GLUD1: variants seen among roughly 807,000 people sequenced by gnomAD.
GLUD1 encodes the protein glutamate dehydrogenase 1.
Under a neutral mutation model 56.0 loss-of-function variants are expected in GLUD1, and 22 were observed. That is an observed-to-expected ratio of 0.39 (90% CI 0.28 to 0.56). GLUD1 has a LOEUF of 0.56. GLUD1 is among the 20% of genes least tolerant of loss of function. GLUD1 has a pLI of 0.58. For synonymous variants in GLUD1, 223 were observed against 269.9 expected (o/e 0.83, Z 1.70); for missense variants, 451 against 732.0 (o/e 0.62, Z 4.43).
At chr10:87,052,564 G>A (rs1219774343) in intron 12 of GLUD1, among the ~76,000 whole-genome samples, 1 of 151,168 alleles carries the variant, frequency 6.6e-6, no homozygotes, top group African/African-American at 2.4e-5. Flanking sequence ...CAGCTACTCG[G>A]GAGGCTAAGG....
chr10:87,053,422 A>G lies in GLUD1; in HGVS notation c.1495-18T>C. 1.3e-6 allele frequency: 2 copies of G among 1,539,658 alleles called. No homozygotes were observed. Among genetic ancestry groups the G allele is most frequent in the East Asian group, 2.2e-5 (1 of 44,566 alleles). On this transcript the variant is annotated intron_variant, in intron 11 of 12. Coordinates refer to ENST00000277865, the MANE Select transcript of GLUD1 (RefSeq NM_005271.5). The stretch of plus-strand genomic sequence containing the variant: ...GATGCACCCTATTAGGGAAAAGAAC[A>G]CAAGTTTAACAAAACCACAAAGACC...
At chr10:87,066,000 C>T (rs183504933) in intron 5 of GLUD1, among the ~76,000 whole-genome samples, 38 of 152,232 alleles carry the variant, frequency 2.5e-4, no homozygotes, top group African/African-American at 8.9e-4. Context: ...TTCTCCAAGG[C>T]CCATCTTTTC....
chr10:87,054,313 T>C (rs751421482), intron 11 of GLUD1, among the ~76,000 whole-genome samples: 15 of 152,134 alleles, frequency 9.9e-5, no homozygotes, highest in Non-Finnish European at 2.2e-4. Context: ...AAGTGGATCA[T>C]TGAAGTTTTC....
Position 87,051,898 on chromosome 10 carries a change from G to A in GLUD1, c.1558-28C>T, listed in dbSNP as rs766139975. Reference sequence around the variant, plus strand: ...GAAATGAAAGAGAAAATGCAGTGAAGATGATCCTGACTCAAGTGGCCAGGC... The same window carrying A: ...GAAATGAAAGAGAAAATGCAGTGAAAATGATCCTGACTCAAGTGGCCAGGC... On this transcript the variant is annotated intron_variant, in intron 12 of 12. Coordinates refer to ENST00000277865, the MANE Select transcript of GLUD1 (RefSeq NM_005271.5). 9 of 1,613,868 alleles carry A rather than the reference G, an allele frequency of 5.6e-6. 1 individual carries two copies. The Admixed American group carries it at 1.5e-4, about 27-fold the overall frequency.
At chr10:87,071,267 ACTGCAAC>A (rs1413843674) in intron 4 of GLUD1, among the ~76,000 whole-genome samples, 2 of 151,776 alleles carry the variant, frequency 1.3e-5, no homozygotes, top group East Asian at 3.9e-4. Flanking sequence ...ATCTCGGCTC[ACTGCAAC>A]CTCCGCCTTC....
At chr10:87,062,568 A>T in intron 6 of GLUD1, 88 bp downstream of exon 6, 1 of 1,010,624 alleles carries the variant, frequency 9.9e-7, no homozygotes, top group South Asian at 1.4e-5. Flanking sequence ...GAGATAACTT[A>T]ATTTTAAAAT....
chr10:87,053,437 C>T (rs1313401782), intron 11 of GLUD1, 33 bp from the exon 12 acceptor site: 1 of 1,301,130 alleles, frequency 7.7e-7, no homozygotes, highest in South Asian at 1.2e-5. Context: ...TTTAACAAAA[C>T]CACAAAGACC....
In GLUD1 at chr10:87,057,575, T is replaced by TA. The variant is rs564117047; in HGVS notation, c.1494+115dup. Reference sequence around the variant, plus strand: ...GTACAAAACACACATGTCACGCACTTACTGTCAAGCTAATTACAAAGACTA... The same window carrying TA: ...GTACAAAACACACATGTCACGCACTTAACTGTCAAGCTAATTACAAAGACTA... On this transcript the variant is annotated intron_variant, in intron 11 of 12. Coordinates refer to ENST00000277865, the MANE Select transcript of GLUD1 (RefSeq NM_005271.5). 5,694 of 761,730 alleles carry TA rather than the reference T, an allele frequency of 7.5e-3. 43 individuals are homozygous for TA. Among genetic ancestry groups the TA allele is most frequent in the South Asian group, 0.011 (760 of 71,792 alleles). 47.2% of individuals were successfully genotyped at this position (761,730 alleles called of 1,614,324 possible). A position where few individuals can be genotyped will look rare whatever the true frequency, so the allele number is the denominator to read the frequency against.
intron 4 of GLUD1, among the ~76,000 whole-genome samples, chr10:87,072,325 A>G (rs1416911707): frequency 2.0e-5 from 3 of 152,328 alleles, no homozygotes; most frequent in South Asian, 2.1e-4. Flanking sequence ...TGAAATTCCT[A>G]TAAAAATCCC....
At chr10:87,076,370 CT>C (rs1437019853) in intron 2 of GLUD1, among the ~76,000 whole-genome samples, 2 of 147,446 alleles carry the variant, frequency 1.4e-5, no homozygotes, top group Admixed American at 6.9e-5. Flanking sequence ...ATCCAATTAT[CT>C]CCTATTTTAA....
intron 4 of GLUD1, among the ~76,000 whole-genome samples, chr10:87,070,279 C>A (rs911139434): frequency 2.0e-5 from 3 of 151,970 alleles, no homozygotes; most frequent in Non-Finnish European, 4.4e-5. Flanking sequence ...ATAGTGAGAT[C>A]CTGTCTTGAT....
At chr10:87,052,338 A>G (rs1845654777) in intron 12 of GLUD1, among the ~76,000 whole-genome samples, 7 of 152,026 alleles carry the variant, frequency 4.6e-5, no homozygotes, top group Admixed American at 4.6e-4. Context: ...AATACAAAAA[A>G]TTAACCGGGT....
At chr10:87,053,581 G>A (rs1845694106) in intron 11 of GLUD1, among the ~76,000 whole-genome samples, 177 bp from the exon 12 acceptor site, 1 of 152,134 alleles carries the variant, frequency 6.6e-6, no homozygotes, top group Non-Finnish European at 1.5e-5. Context: ...ACTTACTGAA[G>A]CAGTTGCTTG....
At chr10:87,077,055 A>G (rs971509809) in intron 1 of GLUD1, among the ~76,000 whole-genome samples, 4 of 152,082 alleles carry the variant, frequency 2.6e-5, no homozygotes, top group Admixed American at 6.5e-5. Context: ...TCTGTTGCTC[A>G]GGCTGAGTGT....
Position 87,059,247 on chromosome 10 carries a change from C to T in GLUD1, c.1305G>A (p.Val435=), listed in dbSNP as rs1845867368. The change falls in exon 10 of 13, where the codon GTG becomes GTA. Residue 435 remains valine, a synonymous_variant. Transcript: ENST00000277865. The part of the protein sequence containing the change: ...IPDLYLNAGG[V]TVSYFEWLKN... ...TCAGCCACTCAAAGTAAGATACTGT[C>T]ACTCCTCCAGCATTCAAGTAGAGAT... The T allele has an allele frequency of 1.6e-5, 26 of 1,613,592 alleles. No homozygotes were observed. The highest frequency in any genetic ancestry group is 2.2e-5 in the Non-Finnish European group (26 of 1,179,558).
chr10:87,080,871 CA>C (rs1841217424), intron 1 of GLUD1, among the ~76,000 whole-genome samples: 1 of 150,636 alleles, frequency 6.6e-6, no homozygotes. Flanking sequence ...CCCGCCCGGC[CA>C]GCCGCCCCGT....
chr10:87,078,278 C>G (rs1311724639), intron 1 of GLUD1, among the ~76,000 whole-genome samples: 1 of 152,122 alleles, frequency 6.6e-6, no homozygotes, highest in Non-Finnish European at 1.5e-5. Context: ...TTTTCCAGCA[C>G]ACAGCAGATA....
At chr10:87,089,590 A>C in intron 1 of GLUD1, 1 of 984,714 alleles carries the variant, frequency 1.0e-6, no homozygotes. Context: ...CCTCAAGTGA[A>C]GGCAGAATGT....
chr10:87,050,595 A>G lies in GLUD1; in HGVS notation c.*1156T>C, dbSNP rs1045153274. 3.3e-5 allele frequency: 5 copies of G among 151,866 alleles called. No homozygotes were observed. The highest frequency in any genetic ancestry group is 6.6e-5 in the Admixed American group (1 of 15,230). 9.4% of individuals were successfully genotyped at this position (151,866 alleles called of 1,614,324 possible). ...GTGTTAGAGTTAAAAAAAAAAAAAA[A>G]GCTGACTCTTACACATATATTATCT... On this transcript the variant is annotated 3_prime_UTR_variant, in exon 13 of 13. Coordinates refer to ENST00000277865, the MANE Select transcript of GLUD1 (RefSeq NM_005271.5).
Sources: allele counts gnomAD v4.1 joint callset (sites outside exome capture counted in the v4.1 genomes callset), GRCh38; gene constraint gnomAD v4.1.1; transcripts MANE v1.5; gene names NCBI Gene and HGNC (gene_info 2026-07-23, HGNC 2026-07-21).